SLC8A1: variants seen among roughly 807,000 people sequenced by gnomAD.
The protein encoded by SLC8A1 is sodium/calcium exchanger 1.
SLC8A1 carries 18 observed loss-of-function variants against 68.3 expected under a neutral mutation model. That is an observed-to-expected ratio of 0.26 (90% CI 0.18 to 0.39). SLC8A1 has a LOEUF of 0.39. Among genes scored for constraint, SLC8A1 ranks in the 10% least tolerant of loss-of-function variants. The pLI, the probability that SLC8A1 is intolerant of heterozygous loss-of-function variation, is 1.00. For synonymous variants in SLC8A1, 475 were observed against 415.5 expected (o/e 1.14, Z -1.74); for missense variants, 985 against 1,156.7 (o/e 0.85, Z 2.15).
chr2:40,355,633 G>T (rs1672432488), intron 2 of SLC8A1, among the ~76,000 whole-genome samples: 1 of 152,044 alleles, frequency 6.6e-6, no homozygotes, highest in Non-Finnish European at 1.5e-5. Context: ...CCCATCTAGG[G>T]AGTGGTTTAC....
intron 1 of SLC8A1, among the ~76,000 whole-genome samples, chr2:40,436,747 T>C (rs527385672): frequency 1.3e-5 from 2 of 152,164 alleles, no homozygotes; most frequent in South Asian, 4.1e-4. Flanking sequence ...TAAATATTAA[T>C]CTGCATGCTA....
intron 1 of SLC8A1, among the ~76,000 whole-genome samples, chr2:40,491,451 C>G (rs935755025): frequency 6.6e-6 from 1 of 152,244 alleles, no homozygotes. Flanking sequence ...TTGACTTCCT[C>G]TTTTCCTAAT....
chr2:40,376,254 C>A lies in SLC8A1; in HGVS notation c.1808+52219G>T, dbSNP rs972875606. Among the ~76,000 whole-genome samples the A allele has an allele frequency of 2.6e-5, 4 of 152,194 alleles. No homozygotes were observed. The South Asian group carries it at 8.3e-4, about 32-fold the overall frequency. On this transcript the variant is annotated intron_variant, in intron 2 of 7. Coordinates refer to ENST00000406785, the Ensembl canonical transcript of SLC8A1. The stretch of plus-strand genomic sequence containing the variant: ...CTAACAATGTACAATTTACATTGTA[C>A]CTCAACGGTTTCTGTCTCAGATAAG...
intron 2 of SLC8A1, among the ~76,000 whole-genome samples, chr2:40,255,594 G>C (rs2063782079): frequency 6.6e-6 from 1 of 152,062 alleles, no homozygotes; most frequent in African/African-American, 2.4e-5. Flanking sequence ...CACCTCTCTG[G>C]AGTTTATTTT....
At chr2:40,476,920 T>C (rs1704328278) in intron 1 of SLC8A1, among the ~76,000 whole-genome samples, 2 of 152,188 alleles carry the variant, frequency 1.3e-5, no homozygotes. Flanking sequence ...TGGCATCAAA[T>C]TTAATGCCTA....
At chr2:40,394,584 A>G (rs879756502) in intron 2 of SLC8A1, among the ~76,000 whole-genome samples, 1 of 152,046 alleles carries the variant, frequency 6.6e-6, no homozygotes, top group Non-Finnish European at 1.5e-5. Flanking sequence ...GTGGATGCCT[A>G]CTACATATTT....
At chr2:40,299,539 A>AAG (rs2149261401) in intron 2 of SLC8A1, among the ~76,000 whole-genome samples, 1 of 135,448 alleles carries the variant, frequency 7.4e-6, no homozygotes, top group African/African-American at 2.9e-5. Flanking sequence ...GGAGATTTAA[A>AAG]GTGACAAATT....
intron 4 of SLC8A1, among the ~76,000 whole-genome samples, chr2:40,172,946 A>G (rs1573544878): frequency 6.6e-6 from 1 of 152,174 alleles, no homozygotes; most frequent in East Asian, 1.9e-4. Context: ...ATCTCAAAAA[A>G]AAGTCCTGAC....
At chr2:40,421,075 C>T (rs560463752) in intron 2 of SLC8A1, among the ~76,000 whole-genome samples, 1 of 152,014 alleles carries the variant, frequency 6.6e-6, no homozygotes, top group Non-Finnish European at 1.5e-5. Flanking sequence ...TCATCACCAC[C>T]ACCACCACCA....
At chr2:40,467,112 G>C (rs1303339220) in intron 1 of SLC8A1, among the ~76,000 whole-genome samples, 1 of 152,096 alleles carries the variant, frequency 6.6e-6, no homozygotes, top group Non-Finnish European at 1.5e-5. Context: ...GACCAGAGAG[G>C]ATCCCCAAGG....
At chr2:40,277,336 T>C (rs1238278708) in intron 2 of SLC8A1, among the ~76,000 whole-genome samples, 3 of 151,978 alleles carry the variant, frequency 2.0e-5, no homozygotes, top group Non-Finnish European at 4.4e-5. Context: ...GGCCAGGAGT[T>C]TGAGACCAGC....
At chr2:40,270,638 A>T (rs921912240) in intron 2 of SLC8A1, among the ~76,000 whole-genome samples, 2 of 152,232 alleles carry the variant, frequency 1.3e-5, no homozygotes, top group Non-Finnish European at 2.9e-5. Context: ...TTAGATTGGA[A>T]CCACTGAAAA....
chr2:40,242,332 C>T (rs1178069725), intron 2 of SLC8A1, among the ~76,000 whole-genome samples: 6 of 152,130 alleles, frequency 3.9e-5, no homozygotes, highest in African/African-American at 1.4e-4. Context: ...ATAAAAGGTC[C>T]ACATTTCCTT....
intron 5 of SLC8A1, 74 bp downstream of exon 8, chr2:40,164,780 C>T (rs938833596): frequency 5.1e-6 from 8 of 1,572,114 alleles, no homozygotes; most frequent in Non-Finnish European, 6.9e-6. Flanking sequence ...GGATCTTAAG[C>T]TTTGGCCAAC....
At chr2:40,383,724 G>A (rs1164231191) in intron 2 of SLC8A1, among the ~76,000 whole-genome samples, 8 of 152,046 alleles carry the variant, frequency 5.3e-5, no homozygotes, top group Admixed American at 3.9e-4. Context: ...GATGGATTTT[G>A]TCAATTTATT....
intron 2 of SLC8A1, among the ~76,000 whole-genome samples, chr2:40,293,375 G>A (rs995624210): frequency 6.6e-6 from 1 of 152,110 alleles, no homozygotes; most frequent in Admixed American, 6.6e-5. Context: ...GCAAAAAATT[G>A]ACAGCCATAA....
At chr2:40,142,715 A>C (rs1382183489) in intron 6 of SLC8A1, among the ~76,000 whole-genome samples, 4 of 152,196 alleles carry the variant, frequency 2.6e-5, no homozygotes, top group African/African-American at 9.7e-5. Context: ...AGATGTACAC[A>C]GGAATAATTA....
intron 2 of SLC8A1, among the ~76,000 whole-genome samples, chr2:40,241,622 C>A (rs1468675143): frequency 6.6e-6 from 1 of 152,164 alleles, no homozygotes; most frequent in Non-Finnish European, 1.5e-5. Flanking sequence ...ATTAACCTTC[C>A]TGCCTTTTCA....
chr2:40,174,659 A>G (rs2048153961), intron 4 of SLC8A1, 47 bp downstream of exon 6: 1 of 1,440,378 alleles, frequency 6.9e-7, no homozygotes, highest in Non-Finnish European at 9.6e-7. Context: ...ATTGATGGTT[A>G]AGGGTATTTG....
Sources: allele counts gnomAD v4.1 joint callset (sites outside exome capture counted in the v4.1 genomes callset), GRCh38; gene constraint gnomAD v4.1.1; transcripts MANE v1.5; gene names NCBI Gene and HGNC (gene_info 2026-07-23, HGNC 2026-07-21).